DMAP1: variants seen among roughly 807,000 people sequenced by gnomAD.
DMAP1 encodes the protein DNA methyltransferase 1-associated protein 1.
In DMAP1, 26 loss-of-function variants were observed where a neutral mutation model predicts 52.7. The observed-to-expected ratio is 0.49, with a 90% CI of 0.36 to 0.68. The LOEUF (loss-of-function observed/expected upper bound fraction) is 0.68. DMAP1 is among the 30% of genes least tolerant of loss of function. DMAP1 has a pLI of 0.00. For missense variants in DMAP1, 439 were observed against 625.2 expected (o/e 0.70, Z 3.18); for synonymous variants, 231 against 246.0 (o/e 0.94, Z 0.57).
Position 44,218,106 on chromosome 1 carries a change from C to A in DMAP1, c.394-205C>A. On this transcript the variant is annotated intron_variant, in intron 3 of 9. Transcript: ENST00000372289. The surrounding 1 kb of genome is among the most constrained non-coding windows in gnomAD (Gnocchi z 5.6). Reference sequence around the variant, plus strand: ...GGAGCTGGAGACAGTGAAGTTGATCCTGGAATAAATCAGAGGCAGGCTACA... The same window carrying A: ...GGAGCTGGAGACAGTGAAGTTGATCATGGAATAAATCAGAGGCAGGCTACA... 1.5e-6 allele frequency: 1 copy of A among 670,818 alleles called. No homozygotes were observed. The highest frequency in any genetic ancestry group is 2.2e-5 in the Admixed American group (1 of 46,206). 41.6% of individuals were successfully genotyped at this position (670,818 alleles called of 1,614,324 possible). A position where few individuals can be genotyped will look rare whatever the true frequency, so the allele number is the denominator to read the frequency against.
chr1:44,214,989 G>T, intron 3 of DMAP1, 91 bp downstream of exon 3: 1 of 1,486,634 alleles, frequency 6.7e-7, no homozygotes, highest in East Asian at 2.4e-5. Context: ...GTTGGTTCTG[G>T]GGGCACGCTT....
chr1:44,220,378 G>C, intron 9 of DMAP1, 69 bp downstream of exon 9: 3 of 1,522,190 alleles, frequency 2.0e-6, no homozygotes, highest in Non-Finnish European at 2.6e-6. Context: ...TGGGTGTAGG[G>C]GCTCCTCTCC....
intron 3 of DMAP1, chr1:44,217,010 G>C (rs1337991650): frequency 2.0e-5 from 3 of 152,194 alleles, no homozygotes; most frequent in African/African-American, 4.8e-5. Flanking sequence ...ATATATTCTA[G>C]AACACTAGGA....
rs762372274 is a variant in DMAP1, at chr1:44,219,192, G to C, written c.857G>C (p.Arg286Pro). ...ACTGCAGAGCAGCGGCGCACGGAAC[G>C]CAAGGCCCCCAAAAAGAAGCTACCC... ...DTTAEQRRTE[R>P]KAPKKKLPQK... is the part of the protein sequence containing the mutation. The change falls in exon 6 of 10, where the codon CGC becomes CCC. Residue 286 changes from arginine to proline, a missense_variant. Physicochemically the swap from Arg to Pro is moderately radical, Grantham distance 103 (BLOSUM62 -2). Around this residue, in one of 3 missense-constraint regions of DMAP1, gnomAD observed 179 missense variants for 285.9 expected, o/e 0.63. Transcript: ENST00000372289. 8.1e-6 allele frequency: 13 copies of C among 1,614,008 alleles called. No homozygotes were observed. The highest frequency in any genetic ancestry group is 1.1e-5 in the Non-Finnish European group (13 of 1,179,984).
At position 44,218,853 on chromosome 1, in the gene DMAP1, C is replaced by T. The variant is rs1158669501; in HGVS notation, c.720+98C>T. ...CAACTCCCACTCCCAGGTCCCCCTGCCTCCCACTGATACCTTATTAACTGC... is the reference window on the plus strand; with the variant it reads ...CAACTCCCACTCCCAGGTCCCCCTGTCTCCCACTGATACCTTATTAACTGC... On this transcript the variant is annotated intron_variant, in intron 5 of 9. Transcript: ENST00000372289. This position sits in a 1 kb window ranked among gnomAD's most constrained non-coding sequence, Gnocchi z 5.6. 4 of 1,495,902 alleles carry T rather than the reference C, an allele frequency of 2.7e-6. No individual in the cohort carries two copies. In the African/African-American group the frequency reaches 4.2e-5, roughly 16 times the overall value. 92.7% of individuals were successfully genotyped at this position (1,495,902 alleles called of 1,614,324 possible).
chr1:44,215,595 A>T (rs1643775922), intron 3 of DMAP1: 1 of 322,096 alleles, frequency 3.1e-6, no homozygotes. Flanking sequence ...AATGGATATG[A>T]AATGAGATAA....
Position 44,213,750 on chromosome 1 carries a change from C to G in DMAP1, c.-4C>G. 2.5e-6 allele frequency: 4 copies of G among 1,572,262 alleles called. No homozygotes were observed. Among genetic ancestry groups the G allele is most frequent in the Non-Finnish European group, 3.5e-6 (4 of 1,159,206 alleles). On this transcript the variant is annotated 5_prime_UTR_variant, in exon 1 of 10. Transcript: ENST00000372289. The surrounding 1 kb of genome is among the most constrained non-coding windows in gnomAD (Gnocchi z 4.5). ...TCCGGTGGCTCCCCCATCTCTCAGG[C>G]GCGATGGCTACGGGCGCGGATGTAC...
chr1:44,213,634 G>T lies in DMAP1; in HGVS notation c.-120G>T. The T allele has an allele frequency of 1.2e-6, 1 of 849,740 alleles. No individual in the cohort carries two copies. The highest frequency in any genetic ancestry group is 1.7e-5 in the South Asian group (1 of 60,050). 52.6% of individuals were successfully genotyped at this position (849,740 alleles called of 1,614,324 possible). On this transcript the variant is annotated 5_prime_UTR_variant, in exon 1 of 10. Coordinates refer to ENST00000372289, the MANE Select transcript of DMAP1 (RefSeq NM_019100.5). The surrounding 1 kb of genome is among the most constrained non-coding windows in gnomAD (Gnocchi z 4.5). ...GACCTGGACCACCCTTCTCCTCTTG[G>T]CCCGCCCCTTCAACTCGCCTCCGCT... is the stretch of plus-strand genomic sequence containing the variant.
Position 44,218,924 on chromosome 1 carries a change from A to G in DMAP1, c.721-132A>G, listed in dbSNP as rs1018968878. On this transcript the variant is annotated intron_variant, in intron 5 of 9. Transcript: ENST00000372289. This position sits in a 1 kb window ranked among gnomAD's most constrained non-coding sequence, Gnocchi z 5.6. ...TCATGGGCCATCCCCCCTGCTTTTC[A>G]TAGCCCTTCACCTCCCTCATGATCC... 27 of 1,419,344 alleles carry G rather than the reference A, an allele frequency of 1.9e-5. No individual in the cohort carries two copies. Among genetic ancestry groups the G allele is most frequent in the Middle Eastern group, 1.9e-4 (1 of 5,164 alleles). 87.9% of individuals were successfully genotyped at this position (1,419,344 alleles called of 1,614,324 possible). A position where few individuals can be genotyped will look rare whatever the true frequency, so the allele number is the denominator to read the frequency against.
chr1:44,218,649 T>C lies in DMAP1; in HGVS notation c.614T>C (p.Val205Ala), dbSNP rs1437324167. 1.2e-6 allele frequency: 2 copies of C among 1,613,850 alleles called. No individual in the cohort carries two copies. The highest frequency in any genetic ancestry group is 1.7e-6 in the Non-Finnish European group (2 of 1,179,916). ...CACATCTGTGCTAAGCTTGCCAACG[T>C]GCGGGCTGTGCCAGGCACAGACCTT... ...YYHICAKLAN[V>A]RAVPGTDLKI... is the part of the protein sequence containing the mutation. Residue 205 changes from valine to alanine, a missense_variant, in exon 5 of 10, where the codon GTG (valine) becomes GCG (alanine). Around this residue, in one of 3 missense-constraint regions of DMAP1, gnomAD observed 142 missense variants for 149.5 expected, o/e 0.95. Coordinates refer to ENST00000372289, the MANE Select transcript of DMAP1 (RefSeq NM_019100.5). The surrounding 1 kb of genome is among the most constrained non-coding windows in gnomAD (Gnocchi z 5.6).
chr1:44,220,366 C>T, intron 9 of DMAP1, 57 bp downstream of exon 9: 1 of 1,520,378 alleles, frequency 6.6e-7, no homozygotes, highest in Non-Finnish European at 8.8e-7. Flanking sequence ...AGCACATGCA[C>T]ATGGGTGTAG....
intron 3 of DMAP1, chr1:44,215,371 G>A (rs1195951835): frequency 4.4e-6 from 2 of 455,644 alleles, no homozygotes; most frequent in Admixed American, 4.7e-5. Context: ...TCCCAAATCT[G>A]TTCCCCATCT....
rs774025138 is a variant in DMAP1, at chr1:44,220,602, A to G, written c.1388A>G (p.Lys463Arg). 6.2e-7 allele frequency: 1 copy of G among 1,614,230 alleles called. No individual in the cohort carries two copies. Among genetic ancestry groups the G allele is most frequent in the Non-Finnish European group, 8.5e-7 (1 of 1,180,026 alleles). The part of the protein sequence containing the change: ...ESASSSSSVK[K>R]AKKP ...GCCTCCAGCTCATCTTCCGTGAAGA[A>G]AGCCAAGAAGCCGTGAGAGGCCCCA... The change falls in exon 10 of 10, where the codon AAA becomes AGA. Residue 463 changes from lysine to arginine, a missense_variant. Lys to Arg is a conservative substitution (Grantham distance 26). Coordinates refer to ENST00000372289, the MANE Select transcript of DMAP1 (RefSeq NM_019100.5).
At position 44,215,031 on chromosome 1, in the gene DMAP1, G is replaced by C. The variant is rs545987570; in HGVS notation, c.393+133G>C. On this transcript the variant is annotated intron_variant, in intron 3 of 9. Transcript: ENST00000372289. Reference sequence around the variant, plus strand: ...AACTGTGATTACCCACTCAATCCTCGTGGCAAATGCATGCAGAGTAGGACT... The same window carrying C: ...AACTGTGATTACCCACTCAATCCTCCTGGCAAATGCATGCAGAGTAGGACT... The C allele has an allele frequency of 6.8e-5, 70 of 1,032,990 alleles. No individual in the cohort carries two copies. In the African/African-American group the frequency reaches 9.6e-4, roughly 14 times the overall value. The allele number at this position is 1,032,990 out of a possible 1,614,324, so 64.0% of individuals were successfully genotyped here. A position where few individuals can be genotyped will look rare whatever the true frequency, so the allele number is the denominator to read the frequency against.
At position 44,218,786 on chromosome 1, in the gene DMAP1, T is replaced by G; in HGVS notation, c.720+31T>G. The G allele has an allele frequency of 6.4e-7, 1 of 1,573,986 alleles. No homozygotes were observed. The highest frequency in any genetic ancestry group is 1.3e-5 in the African/African-American group (1 of 74,212). ...CCCAAGGCCACATACCTGTCCTCCA[T>G]GCCCCAAACCCCTTGCTCATTGTCT... On this transcript the variant is annotated intron_variant, in intron 5 of 9. Coordinates refer to ENST00000372289, the MANE Select transcript of DMAP1 (RefSeq NM_019100.5). This position sits in a 1 kb window ranked among gnomAD's most constrained non-coding sequence, Gnocchi z 5.6.
chr1:44,214,093 A>G (rs940713046), intron 1 of DMAP1, among the ~76,000 whole-genome samples: 3 of 152,186 alleles, frequency 2.0e-5, no homozygotes, highest in African/African-American at 4.8e-5. Context: ...GGACCAGGCA[A>G]GTGTGATTTT....
chr1:44,220,320 G>C lies in DMAP1; in HGVS notation c.1344+11G>C. On this transcript the variant is annotated intron_variant, in intron 9 of 9. Coordinates refer to ENST00000372289, the MANE Select transcript of DMAP1 (RefSeq NM_019100.5). ...CTCACGCCCAATTCGGTAAGAGTCT[G>C]GACAGGCTGGGAGGCACGCCTGGGC... 2 of 1,538,184 alleles carry C rather than the reference G, an allele frequency of 1.3e-6. No individual in the cohort carries two copies. Among genetic ancestry groups the C allele is most frequent in the Non-Finnish European group, 1.8e-6 (2 of 1,139,268 alleles).
At chr1:44,219,308 G>A in intron 6 of DMAP1, 67 bp downstream of exon 6, 1 of 1,574,608 alleles carries the variant, frequency 6.4e-7, no homozygotes, top group African/African-American at 1.4e-5. Flanking sequence ...CACCCCGAGT[G>A]GAGGGTTCTG....
Position 44,213,853 on chromosome 1 carries a change from G to T in DMAP1, c.100G>T (p.Asp34Tyr). 1.3e-6 allele frequency: 2 copies of T among 1,583,012 alleles called. No individual in the cohort carries two copies. Among genetic ancestry groups the T allele is most frequent in the Non-Finnish European group, 1.7e-6 (2 of 1,164,900 alleles). ...TISKKDIINP[D>Y]KKKSKKSSET... ...CAGCAAGAAGGACATTATCAACCCG[G>T]ACAAGGTAGCAGGGGCACCTGAAAG... The change falls in exon 1 of 10, where the codon GAC becomes TAC. Residue 34 changes from aspartate (D) to tyrosine (Y), a missense_variant. Coordinates refer to ENST00000372289, the MANE Select transcript of DMAP1 (RefSeq NM_019100.5). The surrounding 1 kb of genome is among the most constrained non-coding windows in gnomAD (Gnocchi z 4.5).
Sources: gnomAD v4.1 joint callset for allele counts (sites outside exome capture counted in the v4.1 genomes callset) on GRCh38, gnomAD v4.1.1 for gene constraint, gnomAD v4.1.1 regional missense constraint, Gnocchi (gnomAD v3.1) non-coding constraint, MANE v1.5 for transcripts, NCBI Gene and HGNC (gene_info 2026-07-23, HGNC 2026-07-21) for gene names.